The following HSPD1 variants were observed in gnomAD, a reference collection of about 807,000 sequenced individuals.
The protein encoded by HSPD1 is heat shock protein family D (Hsp60) member 1, also known as 60 kDa heat shock protein, mitochondrial.
In HSPD1, 3 loss-of-function variants were observed where a neutral mutation model predicts 53.0. The ratio of observed to expected loss-of-function variants is 0.06; its 90% CI spans 0.03 to 0.15. HSPD1 has a LOEUF of 0.15. Among genes scored for constraint, HSPD1 ranks in the 10% least tolerant of loss-of-function variants. The probability of loss-of-function intolerance (pLI) is 1.00; values close to 1 mark genes in which losing one functional copy is unlikely to be tolerated. For missense variants in HSPD1, 431 were observed against 694.1 expected (o/e 0.62, Z 4.26); for synonymous variants, 200 against 228.0 (o/e 0.88, Z 1.10).
chr2:197,498,153 C>T (rs765231503), intron 2 of HSPD1, among the ~76,000 whole-genome samples: 1 of 152,116 alleles, frequency 6.6e-6, no homozygotes, highest in Non-Finnish European at 1.5e-5. Flanking sequence ...TACAATTTTT[C>T]CATATAAAAA....
chr2:197,490,871 A>G (rs2086083266), intron 7 of HSPD1, among the ~76,000 whole-genome samples: 1 of 152,240 alleles, frequency 6.6e-6, no homozygotes, highest in South Asian at 2.1e-4. Context: ...GTTTTGAATG[A>G]GCAATGTTCT....
chr2:197,493,524 C>G, intron 6 of HSPD1, 32 bp from the exon 7 acceptor site: 1 of 1,464,924 alleles, frequency 6.8e-7, no homozygotes, highest in Non-Finnish European at 9.6e-7. Context: ...CAAAAATATA[C>G]AAAAAATGAC....
At chr2:197,491,190 GTTT>G (rs1261711864) in intron 7 of HSPD1, among the ~76,000 whole-genome samples, 2 of 136,770 alleles carry the variant, frequency 1.5e-5, no homozygotes, top group Admixed American at 7.3e-5. Context: ...TTTTTTGTGT[GTTT>G]TTTTTTTTTT....
chr2:197,493,624 T>C (rs897829017), intron 6 of HSPD1, 132 bp from the exon 7 acceptor site: 1 of 696,632 alleles, frequency 1.4e-6, no homozygotes, highest in Non-Finnish European at 2.6e-6. Context: ...ATTTCTCATA[T>C]GCATTAACTT....
chr2:197,490,422 T>TC, intron 7 of HSPD1, 126 bp from the exon 8 acceptor site: 1 of 724,514 alleles, frequency 1.4e-6, no homozygotes, highest in South Asian at 1.6e-5. Flanking sequence ...TGTGTTTTTT[T>TC]GTTTTTTTTT....
rs747860040 is a variant in HSPD1, at chr2:197,494,689, T to C, written c.574A>G (p.Lys192Glu). The change falls in exon 5 of 12, where the codon AAA (lysine) becomes GAA (glutamate). Residue 192 changes from lysine to glutamate, a missense_variant. By Grantham distance (56) the Lys-to-Glu change is moderately conservative (BLOSUM62 1). This residue lies in a region of HSPD1 where 386 missense variants were observed against 657.6 expected (regional missense o/e 0.59). Transcript: ENST00000388968. ...GTGATGACACCCTTTCTTCCAACTT[T>C]TTTCATTGCATCAGAGATGATATTG... ...IGNIISDAMK[K>E]VGRKGVITVK... The C allele has an allele frequency of 2.0e-5, 32 of 1,612,494 alleles. No individual in the cohort carries two copies. Among genetic ancestry groups the C allele is most frequent in the South Asian group, 1.1e-5 (1 of 91,056 alleles).
intron 6 of HSPD1, among the ~76,000 whole-genome samples, 184 bp from the exon 7 acceptor site, chr2:197,493,676 A>T (rs1375037765): frequency 6.6e-6 from 1 of 152,250 alleles, no homozygotes; most frequent in Admixed American, 6.5e-5. Context: ...GACACCAACT[A>T]ATACCTATAG....
chr2:197,495,583 C>T (rs1190888135), intron 3 of HSPD1, among the ~76,000 whole-genome samples: 1 of 151,764 alleles, frequency 6.6e-6, no homozygotes, highest in Non-Finnish European at 1.5e-5. Flanking sequence ...ACATCCTGGG[C>T]TCAAGGGAGT....
upstream of HSPD1, chr2:197,500,160 C>T (rs1319155344): frequency 1.1e-5 from 6 of 546,556 alleles, no homozygotes; most frequent in Admixed American, 9.4e-5. Context: ...GTTCTTTCAC[C>T]TCGGCTGGGC....
chr2:197,489,223 G>C lies in HSPD1; in HGVS notation c.994C>G (p.Leu332Val). The C allele has an allele frequency of 6.2e-7, 1 of 1,614,150 alleles. No individual in the cohort carries two copies. Among genetic ancestry groups the C allele is most frequent in the Non-Finnish European group, 8.5e-7 (1 of 1,179,996 alleles). The change falls in exon 9 of 12, where the codon CTG becomes GTG. Residue 332 changes from leucine (L) to valine (V), a missense_variant. Physicochemically the swap from Leu to Val is conservative, Grantham distance 32 (BLOSUM62 1). This residue lies in a region of HSPD1 where 386 missense variants were observed against 657.6 expected (regional missense o/e 0.59). Coordinates refer to ENST00000388968, the MANE Select transcript of HSPD1 (RefSeq NM_002156.5). ...GAVFGEEGLT[L>V]NLEDVQPHDL... is the part of the protein sequence containing the mutation. Reference sequence around the variant, plus strand: ...TGAGGCTGAACGTCTTCAAGATTCAGGGTCAATCCCTCTTCTCCAAACACC... The same window carrying C: ...TGAGGCTGAACGTCTTCAAGATTCACGGTCAATCCCTCTTCTCCAAACACC...
chr2:197,499,678 C>T (rs1046654018), intron 1 of HSPD1, 104 bp downstream of exon 1: 1 of 152,130 alleles, frequency 6.6e-6, no homozygotes. Context: ...CGGTGCGGAA[C>T]TCCAGGTTGT....
chr2:197,495,493 T>A (rs911417113), intron 3 of HSPD1, 117 bp from the exon 4 acceptor site: 21 of 747,088 alleles, frequency 2.8e-5, no homozygotes, highest in Non-Finnish European at 4.8e-5. Context: ...AAAAAAATTT[T>A]TTTTTTTTTT....
At chr2:197,496,601 T>G (rs1383804995) in intron 3 of HSPD1, among the ~76,000 whole-genome samples, 1 of 152,226 alleles carries the variant, frequency 6.6e-6, no homozygotes, top group Non-Finnish European at 1.5e-5. Context: ...TATACTGCCA[T>G]GAACCTCATG....
chr2:197,488,286 C>T, intron 10 of HSPD1, 31 bp downstream of exon 10: 1 of 1,601,514 alleles, frequency 6.2e-7, no homozygotes, highest in Non-Finnish European at 8.5e-7. Flanking sequence ...TAAAATCAGG[C>T]CACAAACTCA....
Position 197,497,385 on chromosome 2 carries a change from G to A in HSPD1, c.182C>T (p.Thr61Ile), listed in dbSNP as rs1259431378. 1 of 1,613,502 alleles carries A rather than the reference G, an allele frequency of 6.2e-7. No individual in the cohort carries two copies. Among genetic ancestry groups the A allele is most frequent in the Non-Finnish European group, 8.5e-7 (1 of 1,179,612 alleles). The change falls in exon 3 of 12, where the codon ACA becomes ATA. Residue 61 changes from threonine to isoleucine, a missense_variant. Around this residue, in one of 2 missense-constraint regions of HSPD1, gnomAD observed 386 missense variants for 657.6 expected, o/e 0.59. Coordinates refer to ENST00000388968, the MANE Select transcript of HSPD1 (RefSeq NM_002156.5). ...VAVTMGPKGR[T>I]VIIEQSWGSP... is the part of the protein sequence containing the mutation. ...TCCCCAACTCTGCTCAATAATCACTGTTCTTCCCTAGAAGAAAAAAATGTA... is the reference window on the plus strand; with the variant it reads ...TCCCCAACTCTGCTCAATAATCACTATTCTTCCCTAGAAGAAAAAAATGTA...
chr2:197,490,310 T>G lies in HSPD1; in HGVS notation c.870-14A>C, dbSNP rs770231459. On this transcript the variant is annotated splice_polypyrimidine_tract_variant and intron_variant, in intron 7 of 11. Transcript: ENST00000388968. ...CCAACCTTTAGCCTGTTAAGAATAG[T>G]TGATAGTAAGATTTAAATGAAATAA... 6.3e-7 allele frequency: 1 copy of G among 1,585,480 alleles called. No homozygotes were observed. Among genetic ancestry groups the G allele is most frequent in the Non-Finnish European group, 8.7e-7 (1 of 1,153,908 alleles).
Position 197,491,636 on chromosome 2 carries a change from C to T in HSPD1, c.870-1340G>A, listed in dbSNP as rs1446179399. On this transcript the variant is annotated intron_variant, in intron 7 of 11. Coordinates refer to ENST00000388968, the MANE Select transcript of HSPD1 (RefSeq NM_002156.5). Reference sequence around the variant, plus strand: ...AAAGAAAAGTCTTGCTTCTGACATACTTCAATTCTGAGATAAGGAAGAACA... The same window carrying T: ...AAAGAAAAGTCTTGCTTCTGACATATTTCAATTCTGAGATAAGGAAGAACA... Among the ~76,000 whole-genome samples the T allele has an allele frequency of 2.0e-5, 3 of 152,184 alleles. No homozygotes were observed. The East Asian group carries it at 5.8e-4, about 29-fold the overall frequency.
intron 6 of HSPD1, 144 bp from the exon 7 acceptor site, chr2:197,493,636 T>C: frequency 3.0e-6 from 2 of 673,046 alleles, no homozygotes. Flanking sequence ...CATTAACTTT[T>C]GGAATATATA....
At chr2:197,496,051 C>T (rs913337521) in intron 3 of HSPD1, among the ~76,000 whole-genome samples, 1 of 152,178 alleles carries the variant, frequency 6.6e-6, no homozygotes. Context: ...ATGGCTAACA[C>T]TCCCTTATTT....
Sources: gnomAD v4.1 joint callset for allele counts (sites outside exome capture counted in the v4.1 genomes callset) on GRCh38, gnomAD v4.1.1 for gene constraint, gnomAD v4.1.1 regional missense constraint, MANE v1.5 for transcripts, NCBI Gene and HGNC (gene_info 2026-07-23, HGNC 2026-07-21) for gene names.